The following SHISA6 variants were observed in gnomAD, a reference collection of about 807,000 sequenced individuals.
The protein encoded by SHISA6 is shisa family member 6.
In SHISA6, 22 loss-of-function variants were observed where a neutral mutation model predicts 47.9. The observed-to-expected ratio is 0.46, with a 90% CI of 0.33 to 0.66. The LOEUF (loss-of-function observed/expected upper bound fraction) is 0.66. Ranked by LOEUF, SHISA6 falls within the 30% of genes least tolerant of loss-of-function variation. The probability of loss-of-function intolerance (pLI) is 0.02; values close to 1 mark genes in which losing one functional copy is unlikely to be tolerated. For synonymous variants in SHISA6, 388 were observed against 337.8 expected, an observed-to-expected ratio of 1.15 and a Z score of -1.63; for missense variants, 680 against 764.6, an observed-to-expected ratio of 0.89 and a Z score of 1.30.
At chr17:11,306,678 G>A (rs775367990) in intron 2 of SHISA6, among the ~76,000 whole-genome samples, 7 of 152,186 alleles carry the variant, frequency 4.6e-5, no homozygotes, top group Non-Finnish European at 8.8e-5. Flanking sequence ...AACAGTCACA[G>A]GTTTTTTCAG....
chr17:11,434,504 C>T (rs957158981), intron 3 of SHISA6, among the ~76,000 whole-genome samples: 1 of 152,092 alleles, frequency 6.6e-6, no homozygotes, highest in African/African-American at 2.4e-5. Flanking sequence ...ATTTGACGGC[C>T]CCTAAAATCA....
chr17:11,398,679 G>A (rs955338752), intron 3 of SHISA6, among the ~76,000 whole-genome samples: 5 of 151,864 alleles, frequency 3.3e-5, no homozygotes, highest in South Asian at 2.1e-4. Flanking sequence ...TGCAACCTCC[G>A]TCTCCCGGGT....
rs115802454 is a variant in SHISA6, at chr17:11,273,270, G to A, written c.799+9744G>A. Among the ~76,000 whole-genome samples the A allele has an allele frequency of 9.1e-3, 1,386 of 152,314 alleles. 19 individuals are homozygous for A. The highest frequency in any genetic ancestry group is 0.031 in the African/African-American group (1,284 of 41,572). On this transcript the variant is annotated intron_variant, in intron 2 of 5. Coordinates refer to ENST00000441885, the MANE Select transcript of SHISA6 (RefSeq NM_207386.4). ...TCAAGCCCTGAGGTCAAATTGACCA[G>A]AGGTACAGACAGGGCCCCGGGAGCC...
chr17:11,255,974 G>A (rs920328018), intron 1 of SHISA6, among the ~76,000 whole-genome samples: 1 of 152,196 alleles, frequency 6.6e-6, no homozygotes, highest in Non-Finnish European at 1.5e-5. Flanking sequence ...TAATCCTTAT[G>A]ATAACCCTAA....
At chr17:11,532,705 G>A (rs1305281811) in intron 3 of SHISA6, among the ~76,000 whole-genome samples, 1 of 145,352 alleles carries the variant, frequency 6.9e-6, no homozygotes, top group Admixed American at 6.9e-5. Flanking sequence ...GCCTCCCAAA[G>A]CAGGAGCCCA....
At chr17:11,378,585 A>T (rs894639255) in intron 2 of SHISA6, among the ~76,000 whole-genome samples, 1 of 152,184 alleles carries the variant, frequency 6.6e-6, no homozygotes, top group Non-Finnish European at 1.5e-5. Context: ...CCTGTATTTC[A>T]AGCGTACTGC....
In SHISA6 at chr17:11,346,662, A is replaced by T. The variant is rs189953090; in HGVS notation, c.800-32752A>T. Among the ~76,000 whole-genome samples, 495 of 152,296 alleles carry T rather than the reference A, an allele frequency of 3.3e-3. 2 individuals carry two copies. Among genetic ancestry groups the T allele is most frequent in the Non-Finnish European group, 4.2e-3 (289 of 68,014 alleles). ...AAATTGAAAATAATTTATCCCAATA[A>T]TATATCATTCTATGTTTATCTTTTG... On this transcript the variant is annotated intron_variant, in intron 2 of 5. Coordinates refer to ENST00000441885, the MANE Select transcript of SHISA6 (RefSeq NM_207386.4).
At chr17:11,262,435 A>G (rs889879988) in intron 1 of SHISA6, among the ~76,000 whole-genome samples, 3 of 152,138 alleles carry the variant, frequency 2.0e-5, no homozygotes, top group Non-Finnish European at 4.4e-5. Context: ...GGCTGTCCAC[A>G]CTCATCTGTT....
intron 3 of SHISA6, among the ~76,000 whole-genome samples, chr17:11,521,045 T>C (rs539274235): frequency 6.6e-6 from 1 of 152,330 alleles, no homozygotes; most frequent in South Asian, 2.1e-4. Flanking sequence ...ATGGGGAACA[T>C]TGTCATCATG....
At chr17:11,287,621 A>G (rs1032528149) in intron 2 of SHISA6, among the ~76,000 whole-genome samples, 6 of 148,968 alleles carry the variant, frequency 4.0e-5, no homozygotes, top group African/African-American at 7.4e-5. Context: ...GCAGTGAGCT[A>G]TTGATTGCAC....
chr17:11,247,696 T>C (rs1408934682), intron 1 of SHISA6, among the ~76,000 whole-genome samples: 1 of 152,068 alleles, frequency 6.6e-6, no homozygotes, highest in Non-Finnish European at 1.5e-5. Flanking sequence ...ATTTTTCCCC[T>C]CTTTTCTTTA....
Position 11,562,184 on chromosome 17 carries a change from G to C in SHISA6, c.*3880G>C, listed in dbSNP as rs569252994. ...GCCTCCTGAGTCTCCAAGCATGGAG[G>C]AATATCCATGCCAACATCCCTGCCA... On this transcript the variant is annotated 3_prime_UTR_variant, in exon 6 of 6. Transcript: ENST00000441885. The C allele has an allele frequency of 6.6e-6, 1 of 152,128 alleles. No individual in the cohort carries two copies. The highest frequency in any genetic ancestry group is 2.0e-4 in the East Asian group (1 of 5,122). The allele number at this position is 152,128 out of a possible 1,614,324, so 9.4% of individuals were successfully genotyped here.
intron 5 of SHISA6, among the ~76,000 whole-genome samples, chr17:11,557,334 TGTGGTAGATACGGCCCAGGACCAGGC>T (rs1390086417): frequency 6.6e-6 from 1 of 152,122 alleles, no homozygotes; most frequent in East Asian, 1.9e-4. Context: ...AGGACCATGG[TGTGGTAGATACGGCCCAGGACCAGGC>T]GGAGTTCAGG....
chr17:11,252,074 G>A (rs1018567784), intron 1 of SHISA6, among the ~76,000 whole-genome samples: 1 of 152,070 alleles, frequency 6.6e-6, no homozygotes, highest in African/African-American at 2.4e-5. Context: ...TCTTGTCCCT[G>A]CTTGACTCAT....
At chr17:11,489,001 T>C (rs759316757) in intron 3 of SHISA6, among the ~76,000 whole-genome samples, 5 of 152,330 alleles carry the variant, frequency 3.3e-5, no homozygotes, top group South Asian at 2.1e-4. Context: ...CTTTTCTCAA[T>C]TGGGGGTATG....
At chr17:11,299,669 T>A (rs757344757) in intron 2 of SHISA6, among the ~76,000 whole-genome samples, 5 of 152,110 alleles carry the variant, frequency 3.3e-5, no homozygotes. Flanking sequence ...CTTTCCTGCA[T>A]CTTCAAAGTG....
At chr17:11,429,705 C>T (rs1030846175) in intron 3 of SHISA6, among the ~76,000 whole-genome samples, 4 of 151,492 alleles carry the variant, frequency 2.6e-5, no homozygotes, top group South Asian at 2.1e-4. Context: ...GAAGGAGAAT[C>T]GCTTGAACCT....
chr17:11,469,746 T>C (rs1915894504), intron 3 of SHISA6, among the ~76,000 whole-genome samples: 1 of 152,126 alleles, frequency 6.6e-6, no homozygotes, highest in South Asian at 2.1e-4. Context: ...GACTGGAGCA[T>C]CATGAGGAAG....
chr17:11,362,316 G>T (rs542020316), intron 2 of SHISA6, among the ~76,000 whole-genome samples: 62 of 152,172 alleles, frequency 4.1e-4, no homozygotes, highest in African/African-American at 1.5e-3. Context: ...ATTTCTTTAA[G>T]TTTTGTAGAG....
Sources: gnomAD v4.1 joint callset for allele counts (sites outside exome capture counted in the v4.1 genomes callset) on GRCh38, gnomAD v4.1.1 for gene constraint, MANE v1.5 for transcripts, NCBI Gene and HGNC (gene_info 2026-07-23, HGNC 2026-07-21) for gene names.